The following SHTN1 variants were observed in gnomAD, a reference collection of about 807,000 sequenced individuals.
SHTN1 encodes shootin 1.
Under a neutral mutation model 83.1 loss-of-function variants are expected in SHTN1, and 42 were observed. The ratio of observed to expected loss-of-function variants is 0.51; its 90% CI spans 0.39 to 0.65. The LOEUF (loss-of-function observed/expected upper bound fraction) is 0.65. SHTN1 is among the 30% of genes least tolerant of loss of function. The probability of loss-of-function intolerance (pLI) is 0.00; values close to 1 mark genes in which losing one functional copy is unlikely to be tolerated. For missense variants in SHTN1, 622 were observed against 737.8 expected (o/e 0.84, Z 1.82); for synonymous variants, 224 against 247.7 (o/e 0.90, Z 0.90).
At chr10:116,917,909 A>G (rs1200733637) in intron 12 of SHTN1, among the ~76,000 whole-genome samples, 1 of 152,202 alleles carries the variant, frequency 6.6e-6, no homozygotes, top group African/African-American at 2.4e-5. Context: ...ACTCAGGCGC[A>G]ATACAAGAGC....
intron 1 of SHTN1, among the ~76,000 whole-genome samples, chr10:117,001,373 T>A (rs1851817345): frequency 6.6e-6 from 1 of 152,148 alleles, no homozygotes; most frequent in Non-Finnish European, 1.5e-5. Flanking sequence ...GACATAGAGC[T>A]TAGGGAATGG....
chr10:116,895,170 T>C lies in SHTN1; in HGVS notation c.1673+6595A>G, dbSNP rs150267863. ...GTGATTCACCTTTGTATTATCATATTATCATTTAGTAAAAGCATCTTTCTA... is the reference window on the plus strand; with the variant it reads ...GTGATTCACCTTTGTATTATCATATCATCATTTAGTAAAAGCATCTTTCTA... On this transcript the variant is annotated intron_variant, in intron 16 of 16. Coordinates refer to ENST00000355371, the MANE Select transcript of SHTN1 (RefSeq NM_001127211.3). Among the ~76,000 whole-genome samples, 3 of 152,348 alleles carry C rather than the reference T, an allele frequency of 2.0e-5. No individual in the cohort carries two copies. In the East Asian group the frequency reaches 5.8e-4, roughly 29 times the overall value.
intron 4 of SHTN1, among the ~76,000 whole-genome samples, chr10:116,955,152 C>T (rs143218320): frequency 7.0e-6 from 1 of 143,476 alleles, no homozygotes. Context: ...ATTTTTTATT[C>T]CCGGACAGGG....
intron 1 of SHTN1, among the ~76,000 whole-genome samples, chr10:117,070,627 T>C (rs1853065915): frequency 6.6e-6 from 1 of 151,662 alleles, no homozygotes; most frequent in African/African-American, 2.4e-5. Context: ...TAGCTTCTTT[T>C]TCAGAGAAGA....
At chr10:116,992,585 G>T (rs554064321) in intron 1 of SHTN1, among the ~76,000 whole-genome samples, 1 of 152,168 alleles carries the variant, frequency 6.6e-6, no homozygotes, top group East Asian at 1.9e-4. Context: ...CTGTTTTTTT[G>T]TGAAAATTTA....
Position 116,901,929 on chromosome 10 carries a change from C to T in SHTN1, c.1509G>A (p.Glu503=). 1 of 1,602,718 alleles carries T rather than the reference C, an allele frequency of 6.2e-7. No individual in the cohort carries two copies. The highest frequency in any genetic ancestry group is 1.1e-5 in the South Asian group (1 of 88,728). The change falls in exon 16 of 17, where the codon GAG becomes GAA. Residue 503 remains glutamate, a synonymous_variant. Coordinates refer to ENST00000355371, the MANE Select transcript of SHTN1 (RefSeq NM_001127211.3). ...AACCCAACACTGGCATGGATTTGGA[C>T]TCTGAGGTGGCTAATATCCCAGTTG... The part of the protein sequence containing the change: ...SSPTGILATS[E]SKSMPVLGSV...
chr10:116,903,329 T>C (rs545705884), intron 15 of SHTN1, among the ~76,000 whole-genome samples: 122 of 152,110 alleles, frequency 8.0e-4, no homozygotes, highest in African/African-American at 2.6e-3. Context: ...GGTCAGGAGT[T>C]AGAGACCAAC....
chr10:116,988,372 A>C (rs1018998221), intron 1 of SHTN1, among the ~76,000 whole-genome samples: 1 of 151,804 alleles, frequency 6.6e-6, no homozygotes, highest in African/African-American at 2.4e-5. Context: ...CTGAAATGGA[A>C]TCAAGCCTAA....
At chr10:117,069,942 A>G (rs1853057501) in intron 1 of SHTN1, among the ~76,000 whole-genome samples, 1 of 152,288 alleles carries the variant, frequency 6.6e-6, no homozygotes, top group African/African-American at 2.4e-5. Context: ...TAATAAAGGG[A>G]GTAGAGTTCT....
At chr10:116,982,266 C>T (rs1260413336) in intron 1 of SHTN1, among the ~76,000 whole-genome samples, 1 of 152,152 alleles carries the variant, frequency 6.6e-6, no homozygotes, top group Non-Finnish European at 1.5e-5. Flanking sequence ...TTTGAACTAT[C>T]ATATTTTAAT....
chr10:117,093,921 T>A (rs1853470091), intron 1 of SHTN1, among the ~76,000 whole-genome samples: 1 of 152,192 alleles, frequency 6.6e-6, no homozygotes, highest in African/African-American at 2.4e-5. Context: ...AATAAAAGGT[T>A]CAGAGGAAAA....
upstream of SHTN1, among the ~76,000 whole-genome samples, chr10:117,007,297 A>G (rs1852034660): frequency 6.6e-6 from 1 of 151,900 alleles, no homozygotes; most frequent in African/African-American, 2.4e-5. Context: ...GTGCCCATTA[A>G]ATATTTGGCT....
chr10:116,958,987 A>C (rs78183060), intron 4 of SHTN1, among the ~76,000 whole-genome samples: 2,890 of 152,318 alleles, frequency 0.019, 87 homozygotes, highest in African/African-American at 0.065. Flanking sequence ...AATAACAAGA[A>C]AAAATAGAGA....
At chr10:116,933,554 A>G (rs979124862) in intron 9 of SHTN1, among the ~76,000 whole-genome samples, 1 of 152,072 alleles carries the variant, frequency 6.6e-6, no homozygotes, top group Non-Finnish European at 1.5e-5. Flanking sequence ...CATTTTCTTT[A>G]TCCAGTCTAT....
intron 1 of SHTN1, among the ~76,000 whole-genome samples, chr10:117,124,235 T>C (rs1853973370): frequency 1.3e-5 from 2 of 149,518 alleles, no homozygotes; most frequent in South Asian, 4.2e-4. Flanking sequence ...AAAGCCAAAC[T>C]TCAGATGTGT....
intron 4 of SHTN1, among the ~76,000 whole-genome samples, chr10:116,954,553 C>T (rs1471734185): frequency 6.6e-6 from 1 of 152,138 alleles, no homozygotes; most frequent in Admixed American, 6.6e-5. Flanking sequence ...AAATCTTCTG[C>T]GTGCTGTGGT....
At chr10:116,943,627 A>T (rs907065313) in intron 8 of SHTN1, among the ~76,000 whole-genome samples, 7 of 152,222 alleles carry the variant, frequency 4.6e-5, no homozygotes, top group Admixed American at 6.5e-5. Flanking sequence ...ATAATATTTC[A>T]AATCAGATCT....
chr10:116,984,449 C>T (rs1851156488), intron 1 of SHTN1, among the ~76,000 whole-genome samples: 1 of 152,146 alleles, frequency 6.6e-6, no homozygotes, highest in African/African-American at 2.4e-5. Context: ...GCTCTGCAAG[C>T]ATCTCAAACT....
In SHTN1 at chr10:116,883,895, T is replaced by C. The variant is rs1356741182; in HGVS notation, c.*2449A>G. On this transcript the variant is annotated 3_prime_UTR_variant, in exon 17 of 17. Coordinates refer to ENST00000355371, the MANE Select transcript of SHTN1 (RefSeq NM_001127211.3). ...CTCACATACAAAAGGGTGCAAGTGC[T>C]TTAATTAAAATCTTATTCTTCCAGA... 1 of 207,194 alleles carries C rather than the reference T, an allele frequency of 4.8e-6. No individual in the cohort carries two copies. The highest frequency in any genetic ancestry group is 1.0e-5 in the Non-Finnish European group (1 of 99,252). The allele number at this position is 207,194 out of a possible 1,614,324, so 12.8% of individuals were successfully genotyped here.
Sources: allele counts gnomAD v4.1 joint callset (sites outside exome capture counted in the v4.1 genomes callset), GRCh38; gene constraint gnomAD v4.1.1; transcripts MANE v1.5; gene names NCBI Gene and HGNC (gene_info 2026-07-23, HGNC 2026-07-21).